FGGY: variants seen among roughly 807,000 people sequenced by gnomAD.
FGGY encodes the protein FGGY carbohydrate kinase domain containing, also known as FGGY carbohydrate kinase domain-containing protein.
In FGGY, 72 loss-of-function variants were observed where a neutral mutation model predicts 71.3. That is an observed-to-expected ratio of 1.01 (90% CI 0.84 to 1.23). FGGY has a LOEUF of 1.23. FGGY is among the 50% of genes most tolerant of loss of function. FGGY has a pLI of 0.00. For synonymous variants in FGGY, 251 were observed against 250.3 expected (o/e 1.00, Z -0.02); for missense variants, 668 against 682.3 (o/e 0.98, Z 0.23).
intron 14 of FGGY, among the ~76,000 whole-genome samples, chr1:59,701,398 C>T (rs1433016728): frequency 6.6e-6 from 1 of 152,148 alleles, no homozygotes; most frequent in African/African-American, 2.4e-5. Context: ...ATGTCATAAT[C>T]ATTCTTCAGT....
At chr1:59,505,277 A>G (rs1255081122) in intron 6 of FGGY, among the ~76,000 whole-genome samples, 1 of 152,222 alleles carries the variant, frequency 6.6e-6, no homozygotes, top group African/African-American at 2.4e-5. Flanking sequence ...GGCCTTAACT[A>G]TCTTGTTCCT....
At chr1:59,640,404 C>T (rs2097010700) in intron 11 of FGGY, among the ~76,000 whole-genome samples, 2 of 152,320 alleles carry the variant, frequency 1.3e-5, no homozygotes, top group Non-Finnish European at 2.9e-5. Context: ...ATCTCCAGCA[C>T]TCATTCAGCA....
At chr1:59,337,048 C>CATATATATATATATATATATATAT (rs35698016) in intron 2 of FGGY, among the ~76,000 whole-genome samples, 5 of 142,046 alleles carry the variant, frequency 3.5e-5, no homozygotes, top group African/African-American at 1.1e-4. Context: ...TGTATATAGT[C>CATATATATATATATATATATATAT]ATATATATAT....
At chr1:59,302,584 A>G (rs917903432) in intron 1 of FGGY, among the ~76,000 whole-genome samples, 3 of 152,202 alleles carry the variant, frequency 2.0e-5, no homozygotes, top group African/African-American at 7.2e-5. Flanking sequence ...AAAATACTGC[A>G]TGTTCTCACT....
chr1:59,652,124 C>T (rs1417763836), intron 11 of FGGY, among the ~76,000 whole-genome samples: 2 of 152,164 alleles, frequency 1.3e-5, no homozygotes, highest in Non-Finnish European at 2.9e-5. Context: ...AGAGATCAGC[C>T]GTTAGTCTGA....
chr1:59,691,308 A>C (rs1356759970), intron 14 of FGGY, among the ~76,000 whole-genome samples: 1 of 152,220 alleles, frequency 6.6e-6, no homozygotes, highest in Non-Finnish European at 1.5e-5. Context: ...AGCAGGTTGG[A>C]GGGCCCTCAC....
At chr1:59,346,200 A>C in intron 3 of FGGY, 47 bp from the exon 4 acceptor site, 2 of 1,604,662 alleles carry the variant, frequency 1.2e-6, no homozygotes, top group Non-Finnish European at 1.7e-6. Context: ...TTGAATTAGA[A>C]GGAAGAGAAT....
At chr1:59,711,673 C>T (rs2097795364) in intron 14 of FGGY, among the ~76,000 whole-genome samples, 1 of 152,198 alleles carries the variant, frequency 6.6e-6, no homozygotes, top group Non-Finnish European at 1.5e-5. Flanking sequence ...TCACATCTTA[C>T]ATGAATGACG....
chr1:59,592,595 C>T (rs1571830262), intron 8 of FGGY, among the ~76,000 whole-genome samples: 1 of 152,076 alleles, frequency 6.6e-6, no homozygotes, highest in East Asian at 1.9e-4. Context: ...CCATGGAATA[C>T]TATACAGCCA....
At chr1:59,669,498 C>T (rs1458740311) in intron 13 of FGGY, among the ~76,000 whole-genome samples, 1 of 146,014 alleles carries the variant, frequency 6.8e-6, no homozygotes, top group Non-Finnish European at 1.5e-5. Context: ...AGATAACATT[C>T]AAGCTTAAAA....
intron 14 of FGGY, among the ~76,000 whole-genome samples, chr1:59,713,591 T>TA (rs1427551111): frequency 3.3e-5 from 5 of 152,254 alleles, no homozygotes; most frequent in African/African-American, 4.8e-5. Flanking sequence ...TTTTTGGTAT[T>TA]AAAATCTCCT....
At chr1:59,555,349 C>T (rs887791622) in intron 8 of FGGY, among the ~76,000 whole-genome samples, 2 of 152,166 alleles carry the variant, frequency 1.3e-5, no homozygotes, top group African/African-American at 4.8e-5. Context: ...GGTTTCCAGT[C>T]CCACTTCCTC....
chr1:59,510,775 T>C (rs534749480), intron 6 of FGGY, among the ~76,000 whole-genome samples: 1 of 152,356 alleles, frequency 6.6e-6, no homozygotes, highest in South Asian at 2.1e-4. Context: ...AAATCTTTGA[T>C]ATCTGGTGTG....
intron 5 of FGGY, among the ~76,000 whole-genome samples, chr1:59,397,531 C>T (rs1018080162): frequency 6.6e-6 from 1 of 152,154 alleles, no homozygotes; most frequent in Non-Finnish European, 1.5e-5. Context: ...AAATAGAGGG[C>T]AAGGCAGATA....
At chr1:59,484,167 A>AG (rs1434901634) in intron 6 of FGGY, among the ~76,000 whole-genome samples, 1 of 152,318 alleles carries the variant, frequency 6.6e-6, no homozygotes, top group East Asian at 1.9e-4. Flanking sequence ...ATGGAGGAAC[A>AG]GGAATTCAAA....
intron 6 of FGGY, among the ~76,000 whole-genome samples, chr1:59,497,191 A>G (rs1447280760): frequency 1.3e-5 from 2 of 152,214 alleles, no homozygotes; most frequent in Non-Finnish European, 2.9e-5. Flanking sequence ...AACATCCCAC[A>G]TCATCATCCT....
chr1:59,635,252 A>G (rs545716347), intron 10 of FGGY, among the ~76,000 whole-genome samples: 1 of 152,346 alleles, frequency 6.6e-6, no homozygotes, highest in East Asian at 1.9e-4. Flanking sequence ...GTATAATTGA[A>G]AAAACATGTA....
chr1:59,597,860 G>A (rs544773174), intron 8 of FGGY, among the ~76,000 whole-genome samples: 9 of 152,288 alleles, frequency 5.9e-5, no homozygotes, highest in Non-Finnish European at 1.0e-4. Flanking sequence ...TGGTTTTGCC[G>A]TATTAGAGAA....
At chr1:59,730,136 C>T (rs930901189) in intron 14 of FGGY, among the ~76,000 whole-genome samples, 3 of 152,066 alleles carry the variant, frequency 2.0e-5, no homozygotes, top group African/African-American at 7.2e-5. Flanking sequence ...CTTCAAATTA[C>T]CACTGAAGTG....
Sources: gnomAD v4.1 joint callset for allele counts (sites outside exome capture counted in the v4.1 genomes callset) on GRCh38, gnomAD v4.1.1 for gene constraint, MANE v1.5 for transcripts, NCBI Gene and HGNC (gene_info 2026-07-23, HGNC 2026-07-21) for gene names.